The following NOX3 variants were observed in gnomAD, a reference collection of about 807,000 sequenced individuals.
NOX3 encodes NADPH oxidase 3, also known as NADPH oxidase catalytic subunit-like 3.
Under a neutral mutation model 76.7 loss-of-function variants are expected in NOX3, and 74 were observed. The observed-to-expected ratio is 0.96, with a 90% CI of 0.80 to 1.17. The LOEUF (loss-of-function observed/expected upper bound fraction) is 1.17. Among genes scored for constraint, NOX3 ranks in the 50% most tolerant of loss-of-function variants. The pLI is 0.00. For missense variants in NOX3, 695 were observed against 703.3 expected (o/e 0.99, Z 0.13); for synonymous variants, 263 against 261.1 (o/e 1.01, Z -0.07).
chr6:155,399,257 A>G (rs1344328425), intron 12 of NOX3, among the ~76,000 whole-genome samples: 3 of 152,148 alleles, frequency 2.0e-5, no homozygotes, highest in South Asian at 2.1e-4. Context: ...GCCCACTCCA[A>G]TGGGCTAAGA....
chr6:155,444,697 T>A (rs1169798115), intron 4 of NOX3, among the ~76,000 whole-genome samples: 1 of 152,210 alleles, frequency 6.6e-6, no homozygotes, highest in African/African-American at 2.4e-5. Context: ...TGATAAGTGC[T>A]TATTTATGAT....
chr6:155,396,722 C>G lies in NOX3; in HGVS notation c.*27+87G>C, dbSNP rs145419201. 1.3e-4 allele frequency: 142 copies of G among 1,057,166 alleles called. No homozygotes were observed. In the African/African-American group the frequency reaches 2.0e-3, roughly 15 times the overall value. The allele number at this position is 1,057,166 out of a possible 1,614,324, so 65.5% of individuals were successfully genotyped here. A position where few individuals can be genotyped will look rare whatever the true frequency, so the allele number is the denominator to read the frequency against. On this transcript the variant is annotated intron_variant, in intron 13 of 13. Coordinates refer to ENST00000159060, the MANE Select transcript of NOX3 (RefSeq NM_015718.3). ...TTCAGTAGTTGAGAGTCGGACCATA[C>G]AGTGCATAGAGCCTAAAATGATTAC...
chr6:155,427,674 C>T (rs1440488955), intron 9 of NOX3, among the ~76,000 whole-genome samples: 3 of 152,188 alleles, frequency 2.0e-5, no homozygotes, highest in African/African-American at 2.4e-5. Context: ...TCTCTTGATG[C>T]TTCTTTTCAA....
intron 1 of NOX3, 61 bp downstream of exon 1, chr6:155,455,692 C>T: frequency 7.2e-7 from 1 of 1,381,864 alleles, no homozygotes; most frequent in East Asian, 2.3e-5. Context: ...ACAAGTTTTC[C>T]TAAAAATCAA....
chr6:155,425,032 C>A (rs1028042910), intron 9 of NOX3, among the ~76,000 whole-genome samples: 1 of 152,182 alleles, frequency 6.6e-6, no homozygotes, highest in Non-Finnish European at 1.5e-5. Context: ...AATCCTCCTG[C>A]CACATTCCTG....
At chr6:155,404,959 G>A (rs1776427228) in intron 12 of NOX3, among the ~76,000 whole-genome samples, 1 of 152,062 alleles carries the variant, frequency 6.6e-6, no homozygotes, top group Non-Finnish European at 1.5e-5. Flanking sequence ...TGAATTCCAT[G>A]ACAACTGATA....
At chr6:155,432,979 C>G (rs1313303064) in intron 7 of NOX3, among the ~76,000 whole-genome samples, 4 of 152,148 alleles carry the variant, frequency 2.6e-5, no homozygotes, top group African/African-American at 9.7e-5. Context: ...AGCAAGAATG[C>G]AGTTCTTTCT....
chr6:155,410,587 A>C (rs1246484450), intron 11 of NOX3, among the ~76,000 whole-genome samples: 1 of 152,118 alleles, frequency 6.6e-6, no homozygotes, highest in Non-Finnish European at 1.5e-5. Flanking sequence ...TTTGGTATAC[A>C]TTATTTTTGG....
At chr6:155,418,610 A>C (rs1776650241) in intron 10 of NOX3, among the ~76,000 whole-genome samples, 1 of 151,866 alleles carries the variant, frequency 6.6e-6, no homozygotes, top group Middle Eastern at 3.4e-3. Context: ...GATCTTTCAA[A>C]ACAAAAGTAC....
chr6:155,427,028 T>TGTGTGTGTGTGTGC (rs796489805), intron 9 of NOX3, among the ~76,000 whole-genome samples: 12 of 121,790 alleles, frequency 9.9e-5, no homozygotes, highest in African/African-American at 3.6e-4. Context: ...TGTGTGTGTG[T>TGTGTGTGTGTGTGC]GCTGGGGGGG....
Position 155,396,809 on chromosome 6 carries a change from A to C in NOX3, c.*27T>G. 1 of 1,598,230 alleles carries C rather than the reference A, an allele frequency of 6.3e-7. No homozygotes were observed. Among genetic ancestry groups the C allele is most frequent in the Non-Finnish European group, 8.5e-7 (1 of 1,171,972 alleles). ...GACCTGTATGATTGCAGCCACTTAC[A>C]CAATGCCTGGACTTGACCTCCAAAG... On this transcript the variant is annotated splice_region_variant and 3_prime_UTR_variant, in exon 13 of 14. Transcript: ENST00000159060.
chr6:155,438,188 G>A (rs1244580578), intron 6 of NOX3, among the ~76,000 whole-genome samples: 1 of 152,066 alleles, frequency 6.6e-6, no homozygotes, highest in Non-Finnish European at 1.5e-5. Context: ...GTGCTTCAGG[G>A]GTTAACAACC....
At chr6:155,454,254 C>T (rs1336956108) in intron 3 of NOX3, among the ~76,000 whole-genome samples, 1 of 152,112 alleles carries the variant, frequency 6.6e-6, no homozygotes, top group Non-Finnish European at 1.5e-5. Context: ...TGAGGGATGC[C>T]TGCATAATAC....
chr6:155,412,082 G>A (rs1776558944), intron 10 of NOX3, among the ~76,000 whole-genome samples: 1 of 152,160 alleles, frequency 6.6e-6, no homozygotes, highest in South Asian at 2.1e-4. Context: ...ATTGCATCTA[G>A]AAGAAACCAC....
chr6:155,451,465 C>A (rs1279965400), intron 4 of NOX3, among the ~76,000 whole-genome samples: 2 of 152,156 alleles, frequency 1.3e-5, no homozygotes, highest in African/African-American at 4.8e-5. Context: ...GTTATAGCTG[C>A]TTTCAGGGTA....
At chr6:155,398,658 C>T (rs1309763184) in intron 12 of NOX3, among the ~76,000 whole-genome samples, 2 of 152,152 alleles carry the variant, frequency 1.3e-5, no homozygotes, top group Non-Finnish European at 2.9e-5. Flanking sequence ...AAATATTTCC[C>T]ATGGAAAGGT....
chr6:155,395,610 T>C lies in NOX3; in HGVS notation c.*28-36A>G, dbSNP rs1010685986. On this transcript the variant is annotated intron_variant, in intron 13 of 13. Transcript: ENST00000159060. ...GATTTGAGATATTATCAGTGAAATATGTAGATATTACAAGCTACATACCAG... is the reference window on the plus strand; with the variant it reads ...GATTTGAGATATTATCAGTGAAATACGTAGATATTACAAGCTACATACCAG... 5.3e-5 allele frequency: 8 copies of C among 152,194 alleles called. No homozygotes were observed. The South Asian group carries it at 6.2e-4, about 12-fold the overall frequency. 9.4% of individuals were successfully genotyped at this position (152,194 alleles called of 1,614,324 possible).
At chr6:155,432,540 T>C (rs1474900847) in intron 7 of NOX3, among the ~76,000 whole-genome samples, 1 of 152,170 alleles carries the variant, frequency 6.6e-6, no homozygotes, top group Non-Finnish European at 1.5e-5. Context: ...GGGTCACAAG[T>C]CTTTTAGCAT....
chr6:155,398,755 G>A (rs73010631), intron 12 of NOX3, among the ~76,000 whole-genome samples: 2 of 152,172 alleles, frequency 1.3e-5, no homozygotes, highest in Admixed American at 6.5e-5. Flanking sequence ...CCACCACTTC[G>A]TTGCTGGGTA....
Sources: allele counts gnomAD v4.1 joint callset (sites outside exome capture counted in the v4.1 genomes callset), GRCh38; gene constraint gnomAD v4.1.1; transcripts MANE v1.5; gene names NCBI Gene and HGNC (gene_info 2026-07-23, HGNC 2026-07-21).